MXI1: variants seen among roughly 807,000 people sequenced by gnomAD.
MXI1 encodes max-interacting protein 1.
MXI1 carries 18 observed loss-of-function variants against 36.9 expected under a neutral mutation model. The observed-to-expected ratio is 0.49, with a 90% CI of 0.34 to 0.72. The LOEUF is 0.72. MXI1 is among the 30% of genes least tolerant of loss of function. The pLI, the probability that MXI1 is intolerant of heterozygous loss-of-function variation, is 0.01. For synonymous variants in MXI1, 160 were observed against 146.7 expected (o/e 1.09, Z -0.65); for missense variants, 304 against 379.1 (o/e 0.80, Z 1.64).
chr10:110,250,824 T>A (rs1856050625), intron 3 of MXI1, among the ~76,000 whole-genome samples: 1 of 119,508 alleles, frequency 8.4e-6, no homozygotes, highest in Non-Finnish European at 1.7e-5. Flanking sequence ...AGAGCAAGAC[T>A]TTGTCAAAAA....
At chr10:110,236,490 C>G (rs927534322) in intron 2 of MXI1, among the ~76,000 whole-genome samples, 17 of 152,102 alleles carry the variant, frequency 1.1e-4, no homozygotes, top group Admixed American at 9.8e-4. Flanking sequence ...GGGTTTCACT[C>G]TTTCACCCAG....
chr10:110,229,590 A>G (rs1855188774), intron 2 of MXI1, among the ~76,000 whole-genome samples: 1 of 152,162 alleles, frequency 6.6e-6, no homozygotes, highest in Admixed American at 6.5e-5. Context: ...GCTTCTTTTC[A>G]TTAAGACTAC....
At chr10:110,208,920 T>TTTTCC (rs1854434510) in intron 1 of MXI1, among the ~76,000 whole-genome samples, 1 of 152,182 alleles carries the variant, frequency 6.6e-6, no homozygotes, top group Admixed American at 6.5e-5. Flanking sequence ...TTTTTCTTTA[T>TTTTCC]TTTCCGGGAG....
At chr10:110,259,830 G>A (rs888922161) in intron 3 of MXI1, among the ~76,000 whole-genome samples, 8 of 151,896 alleles carry the variant, frequency 5.3e-5, no homozygotes, top group Non-Finnish European at 1.5e-5. Flanking sequence ...AAAACTTTAG[G>A]TCTAAACTAG....
chr10:110,212,170 C>T (rs1854530753), intron 1 of MXI1, among the ~76,000 whole-genome samples: 1 of 152,168 alleles, frequency 6.6e-6, no homozygotes, highest in South Asian at 2.1e-4. Flanking sequence ...GAAGGACGAT[C>T]AGATGAGAGT....
chr10:110,226,356 G>T (rs1267467921), intron 1 of MXI1: 3 of 1,409,438 alleles, frequency 2.1e-6, no homozygotes, highest in African/African-American at 3.0e-5. Context: ...GGCCGGTAAG[G>T]GAGGGCACGC....
chr10:110,216,665 G>GTCTTTTTTTTTTTTTTTTTT (rs1854644098), intron 1 of MXI1, among the ~76,000 whole-genome samples: 1 of 79,060 alleles, frequency 1.3e-5, no homozygotes, highest in Non-Finnish European at 2.0e-5. Flanking sequence ...TGTGTTTAAT[G>GTCTTTTTTTTTTTTTTTTTT]TTTTTTTTTT....
intron 5 of MXI1, among the ~76,000 whole-genome samples, chr10:110,283,083 CAA>C (rs1462099951): frequency 1.3e-5 from 2 of 152,164 alleles, no homozygotes; most frequent in Admixed American, 1.3e-4. Flanking sequence ...TGCTGGGAAA[CAA>C]TGGCTTCTGA....
intron 1 of MXI1, among the ~76,000 whole-genome samples, chr10:110,211,884 C>A (rs763461801): frequency 6.6e-6 from 1 of 152,158 alleles, no homozygotes; most frequent in Non-Finnish European, 1.5e-5. Context: ...ACCACAAATT[C>A]AGAAATTATA....
intron 2 of MXI1, among the ~76,000 whole-genome samples, chr10:110,230,040 C>T (rs1014784407): frequency 6.6e-6 from 1 of 152,126 alleles, no homozygotes; most frequent in Admixed American, 6.5e-5. Flanking sequence ...CAAGGTCCCT[C>T]CTTCTCCTGA....
At chr10:110,275,077 G>C (rs202166793) in intron 3 of MXI1, among the ~76,000 whole-genome samples, 2 of 149,918 alleles carry the variant, frequency 1.3e-5, no homozygotes, top group East Asian at 3.9e-4. Context: ...GTTTCACCAT[G>C]TTGGCCAGAC....
chr10:110,226,473 G>A (rs112871421), intron 1 of MXI1: 2 of 242,550 alleles, frequency 8.2e-6, no homozygotes, highest in African/African-American at 8.4e-5. Context: ...TGTGGGGAGG[G>A]GAGCGCGCGT....
At position 110,284,814 on chromosome 10, in the gene MXI1, C is replaced by CT; in HGVS notation, c.725-10_725-9insT. On this transcript the variant is annotated splice_polypyrimidine_tract_variant and intron_variant, in intron 5 of 5. Transcript: ENST00000332674. ...ATTAATGTTCTTCTTTTTTTTTTTT[C>CT]CTTTGGCAGAGGAGATTGAAGTGGA... 1 of 1,472,540 alleles carries CT rather than the reference C, an allele frequency of 6.8e-7. No individual in the cohort carries two copies. The highest frequency in any genetic ancestry group is 2.5e-5 in the East Asian group (1 of 39,808). 91.2% of individuals were successfully genotyped at this position (1,472,540 alleles called of 1,614,324 possible).
chr10:110,227,859 C>T, intron 1 of MXI1: 1 of 286,058 alleles, frequency 3.5e-6, no homozygotes, highest in Non-Finnish European at 6.8e-6. Context: ...ATTTTTGAGG[C>T]AAGCGAAGTC....
chr10:110,278,456 T>G lies in MXI1; in HGVS notation c.438-724T>G, dbSNP rs182346752. The stretch of plus-strand genomic sequence containing the variant: ...AATTAAGCTAACGAGCTAGCACACT[T>G]AGATAGGAAGCAGGGGATTATTTTA... On this transcript the variant is annotated intron_variant, in intron 3 of 5. Transcript: ENST00000332674. Among the ~76,000 whole-genome samples, 213 of 152,202 alleles carry G rather than the reference T, an allele frequency of 1.4e-3. 1 individual carries two copies. Among genetic ancestry groups the G allele is most frequent in the South Asian group, 3.1e-3 (15 of 4,814 alleles).
chr10:110,278,261 A>G (rs1857106244), intron 3 of MXI1, among the ~76,000 whole-genome samples: 2 of 152,196 alleles, frequency 1.3e-5, no homozygotes, highest in African/African-American at 4.8e-5. Flanking sequence ...AGGTAAATCC[A>G]TGAGGTTCTC....
rs1781078964 is a variant in MXI1 at position 110,287,297 on chromosome 10, T to C, written c.*2310T>C. On this transcript the variant is annotated 3_prime_UTR_variant, in exon 6 of 6. Coordinates refer to ENST00000332674, the MANE Select transcript of MXI1 (RefSeq NM_130439.3). ...ATTGTATGAGTAAGAAGTATTAATTTTTTAAAAGACAAATCAACTTTGAAG... is the reference window on the plus strand; with the variant it reads ...ATTGTATGAGTAAGAAGTATTAATTCTTTAAAAGACAAATCAACTTTGAAG... The C allele has an allele frequency of 6.6e-6, 1 of 151,892 alleles. No homozygotes were observed. Among genetic ancestry groups the C allele is most frequent in the African/African-American group, 2.4e-5 (1 of 41,322 alleles). 9.4% of individuals were successfully genotyped at this position (151,892 alleles called of 1,614,324 possible).
At chr10:110,284,246 G>T (rs1434887598) in intron 5 of MXI1, among the ~76,000 whole-genome samples, 1 of 151,786 alleles carries the variant, frequency 6.6e-6, no homozygotes, top group Non-Finnish European at 1.5e-5. Context: ...TATATTTGAT[G>T]CAAGAAAATT....
intron 2 of MXI1, among the ~76,000 whole-genome samples, chr10:110,243,745 A>G (rs779727932): frequency 1.3e-5 from 2 of 152,136 alleles, no homozygotes; most frequent in African/African-American, 2.4e-5. Context: ...ATATTTTGCT[A>G]TTTAGCATAA....
Sources: gnomAD v4.1 joint callset for allele counts (sites outside exome capture counted in the v4.1 genomes callset) on GRCh38, gnomAD v4.1.1 for gene constraint, MANE v1.5 for transcripts, NCBI Gene and HGNC (gene_info 2026-07-23, HGNC 2026-07-21) for gene names.